CGNL1: variants seen among roughly 807,000 people sequenced by gnomAD.
CGNL1 encodes the protein cingulin like 1.
In CGNL1, 132 loss-of-function variants were observed where a neutral mutation model predicts 141.2. The observed-to-expected ratio is 0.93, with a 90% CI of 0.81 to 1.08. The LOEUF (loss-of-function observed/expected upper bound fraction) is 1.08. Among genes scored for constraint, CGNL1 ranks in the 50% least tolerant of loss-of-function variants. CGNL1 has a pLI of 0.00. For missense variants in CGNL1, 1,870 were observed against 1,588.6 expected, an observed-to-expected ratio of 1.18 and a Z score of -3.01; for synonymous variants, 690 against 622.1, an observed-to-expected ratio of 1.11 and a Z score of -1.63.
Position 57,440,461 on chromosome 15 carries a change from C to G in CGNL1, c.1687C>G (p.Leu563Val). 1 of 1,586,606 alleles carries G rather than the reference C, an allele frequency of 6.3e-7. No homozygotes were observed. Residue 563 changes from leucine to valine, a missense_variant, in exon 3 of 19, where the codon CTC (leucine) becomes GTC (valine). By Grantham distance (32) the Leu-to-Val change is conservative (BLOSUM62 1). Coordinates refer to ENST00000281282, the MANE Select transcript of CGNL1 (RefSeq NM_032866.5). The part of the protein sequence containing the change: ...ETAKQILYNY[L>V]KEGSTDNDDA... ...AGCTAAGCAGATTCTCTACAATTAC[C>G]TCAAAGAAGGGTTAGTGATTTTCCC...
At chr15:57,386,076 A>G (rs1748260305) in intron 1 of CGNL1, among the ~76,000 whole-genome samples, 1 of 152,250 alleles carries the variant, frequency 6.6e-6, no homozygotes, top group Admixed American at 6.5e-5. Context: ...GTTTCCCCAC[A>G]GGTGCCCCTG....
chr15:57,460,305 AC>A (rs1209326364), intron 7 of CGNL1, among the ~76,000 whole-genome samples: 10 of 152,220 alleles, frequency 6.6e-5, no homozygotes, highest in African/African-American at 2.4e-4. Context: ...TAGAGCAGGG[AC>A]AAAAATCATA....
At chr15:57,447,943 A>G (rs1383167844) in intron 4 of CGNL1, among the ~76,000 whole-genome samples, 2 of 151,784 alleles carry the variant, frequency 1.3e-5, no homozygotes, top group African/African-American at 2.4e-5. Flanking sequence ...TTACTTTAAG[A>G]CTTTCTCTTT....
chr15:57,506,269 C>T (rs941738049), intron 8 of CGNL1, among the ~76,000 whole-genome samples: 3 of 152,214 alleles, frequency 2.0e-5, no homozygotes, highest in Admixed American at 2.0e-4. Flanking sequence ...TTCCGCCAGC[C>T]AGCAGCTCCT....
chr15:57,467,258 A>G (rs1237244864), intron 8 of CGNL1, among the ~76,000 whole-genome samples: 2 of 152,316 alleles, frequency 1.3e-5, no homozygotes, highest in African/African-American at 4.8e-5. Flanking sequence ...AGATAAAATC[A>G]TATAGGAATC....
intron 1 of CGNL1, among the ~76,000 whole-genome samples, chr15:57,381,527 C>T (rs765012598): frequency 5.9e-5 from 9 of 152,168 alleles, no homozygotes; most frequent in Admixed American, 3.3e-4. Context: ...TGCCACTGCA[C>T]TCCAGCCTGA....
intron 1 of CGNL1, among the ~76,000 whole-genome samples, chr15:57,387,625 G>A (rs2062498006): frequency 6.6e-6 from 1 of 152,126 alleles, no homozygotes; most frequent in South Asian, 2.1e-4. Flanking sequence ...AAAAACAAGT[G>A]TCTGGAAAAC....
intron 8 of CGNL1, among the ~76,000 whole-genome samples, chr15:57,505,827 G>T (rs1302143937): frequency 1.3e-5 from 2 of 152,228 alleles, no homozygotes; most frequent in African/African-American, 4.8e-5. Context: ...CCATTGGATT[G>T]AAAGTTCTTG....
At chr15:57,471,634 G>T (rs1001251194) in intron 8 of CGNL1, among the ~76,000 whole-genome samples, 2 of 151,042 alleles carry the variant, frequency 1.3e-5, no homozygotes, top group East Asian at 1.9e-4. Flanking sequence ...CTAGCCTTCT[G>T]GGGGGGCCTC....
intron 14 of CGNL1, among the ~76,000 whole-genome samples, chr15:57,542,530 T>A (rs1205731872): frequency 6.6e-6 from 1 of 152,208 alleles, no homozygotes; most frequent in Non-Finnish European, 1.5e-5. Context: ...ACAGCGAGGC[T>A]CCTTTCCTGA....
intron 1 of CGNL1, among the ~76,000 whole-genome samples, chr15:57,427,315 C>T (rs1389088736): frequency 1.3e-5 from 2 of 151,866 alleles, no homozygotes; most frequent in African/African-American, 4.8e-5. Flanking sequence ...TGTTATCTTC[C>T]ATGTTTTTAA....
intron 8 of CGNL1, among the ~76,000 whole-genome samples, chr15:57,484,136 AT>A (rs1254730609): frequency 6.6e-6 from 1 of 152,092 alleles, no homozygotes; most frequent in Non-Finnish European, 1.5e-5. Flanking sequence ...GCTGAGAAGG[AT>A]TTCTTCCTCT....
At chr15:57,472,062 C>T (rs1484052185) in intron 8 of CGNL1, among the ~76,000 whole-genome samples, 1 of 151,656 alleles carries the variant, frequency 6.6e-6, no homozygotes, top group African/African-American at 2.4e-5. Flanking sequence ...GAGAGCAAGA[C>T]CCCCATCTCA....
At chr15:57,402,434 C>G (rs1056062707) in intron 1 of CGNL1, among the ~76,000 whole-genome samples, 13 of 152,176 alleles carry the variant, frequency 8.5e-5, no homozygotes, top group African/African-American at 3.1e-4. Context: ...TACACAGCCT[C>G]AGGTATTCCT....
intron 2 of CGNL1, 150 bp from the exon 3 acceptor site, chr15:57,440,227 G>T: frequency 3.3e-6 from 2 of 614,794 alleles, no homozygotes; most frequent in East Asian, 2.8e-5. Flanking sequence ...AAATTGAGGC[G>T]AGGAGAAGTT....
intron 8 of CGNL1, among the ~76,000 whole-genome samples, chr15:57,515,194 C>G (rs1465831732): frequency 2.0e-5 from 3 of 152,206 alleles, no homozygotes; most frequent in African/African-American, 7.2e-5. Context: ...TCCTGATAGA[C>G]CTGAGAAGTC....
At chr15:57,385,412 G>T (rs1467612156) in intron 1 of CGNL1, among the ~76,000 whole-genome samples, 1 of 152,202 alleles carries the variant, frequency 6.6e-6, no homozygotes, top group Non-Finnish European at 1.5e-5. Context: ...GCGCATGCCT[G>T]CATTCCCAGC....
intron 1 of CGNL1, among the ~76,000 whole-genome samples, chr15:57,408,544 T>G (rs996077255): frequency 2.6e-5 from 4 of 152,086 alleles, no homozygotes; most frequent in Non-Finnish European, 4.4e-5. Flanking sequence ...TTAATTTTAG[T>G]TTAGTTTTTT....
Position 57,543,762 on chromosome 15 carries a change from A to G in CGNL1, c.3358A>G (p.Ile1120Val), listed in dbSNP as rs140027709. The G allele has an allele frequency of 9.9e-6, 16 of 1,613,854 alleles. No individual in the cohort carries two copies. In the African/African-American group the frequency reaches 1.7e-4, roughly 18 times the overall value. Residue 1120 changes from isoleucine (I) to valine (V), a missense_variant, in exon 15 of 19, where the codon ATT (isoleucine) becomes GTT (valine). Ile to Val is a conservative substitution (Grantham distance 29, BLOSUM62 3). Transcript: ENST00000281282. ...GAGACAAGACTTGGAGTGCGACAAG[A>G]TTTCCCTGGAGAGGCAGGTGAGGGC... Reference protein sequence around the residue: ...AARQDLECDKISLERQNKDLK... With the variant: ...AARQDLECDKVSLERQNKDLK...
Sources: allele counts gnomAD v4.1 joint callset (sites outside exome capture counted in the v4.1 genomes callset), GRCh38; gene constraint gnomAD v4.1.1; transcripts MANE v1.5; gene names NCBI Gene and HGNC (gene_info 2026-07-23, HGNC 2026-07-21).